The following DPP6 variants were observed in gnomAD, a reference collection of about 807,000 sequenced individuals.
DPP6 encodes A-type potassium channel modulatory protein DPP6.
Under a neutral mutation model 122.6 loss-of-function variants are expected in DPP6, and 69 were observed. The observed-to-expected ratio is 0.56, with a 90% CI of 0.46 to 0.69. The LOEUF is 0.69. DPP6 is among the 30% of genes least tolerant of loss of function. The pLI is 0.00. For missense variants in DPP6, 928 were observed against 1,116.9 expected, an observed-to-expected ratio of 0.83 and a Z score of 2.41; for synonymous variants, 418 against 433.1, an observed-to-expected ratio of 0.97 and a Z score of 0.43.
chr7:153,875,415 A>G, the DPP6 span, among the ~76,000 whole-genome samples: 1 of 152,298 alleles, frequency 6.6e-6, no homozygotes, highest in South Asian at 2.1e-4. Flanking sequence ...TAAGAAGAGA[A>G]GAATGGAAAA....
At chr7:154,286,142 A>G (rs1804833149) in intron 1 of DPP6, among the ~76,000 whole-genome samples, 3 of 152,178 alleles carry the variant, frequency 2.0e-5, no homozygotes, top group African/African-American at 7.2e-5. Context: ...AAACTGTGGA[A>G]CTGAGCAGCG....
At chr7:154,680,446 G>A (rs1465144287) in intron 7 of DPP6, among the ~76,000 whole-genome samples, 1 of 152,168 alleles carries the variant, frequency 6.6e-6, no homozygotes, top group Non-Finnish European at 1.5e-5. Flanking sequence ...AAATCATGGA[G>A]TATCCATAGG....
the DPP6 span, among the ~76,000 whole-genome samples, chr7:153,806,670 C>T: frequency 3.3e-5 from 5 of 151,996 alleles, no homozygotes; most frequent in African/African-American, 1.2e-4. Flanking sequence ...ATATAAACAT[C>T]AAAATGCCTC....
chr7:154,061,586 C>G (rs1481623914), intron 1 of DPP6, among the ~76,000 whole-genome samples: 4 of 145,966 alleles, frequency 2.7e-5, no homozygotes, highest in Non-Finnish European at 6.1e-5. Context: ...TCCATCCCCT[C>G]TTCCCCCCTG....
chr7:154,011,243 A>C (rs1798140731), intron 1 of DPP6, among the ~76,000 whole-genome samples: 1 of 152,194 alleles, frequency 6.6e-6, no homozygotes, highest in Admixed American at 6.5e-5. Context: ...GATGGAGAGT[A>C]ATGTTGGGAC....
At chr7:154,625,827 T>A (rs1327548207) in intron 5 of DPP6, among the ~76,000 whole-genome samples, 1 of 152,228 alleles carries the variant, frequency 6.6e-6, no homozygotes, top group Non-Finnish European at 1.5e-5. Context: ...CTTCCCACAA[T>A]TCATCCCATC....
intron 5 of DPP6, among the ~76,000 whole-genome samples, chr7:154,569,506 A>G (rs1403332986): frequency 6.6e-6 from 1 of 151,950 alleles, no homozygotes; most frequent in African/African-American, 2.4e-5. Flanking sequence ...ATTATAATGA[A>G]ACTAGAATTT....
At chr7:154,297,474 T>C (rs1021578413) in intron 1 of DPP6, among the ~76,000 whole-genome samples, 1 of 152,202 alleles carries the variant, frequency 6.6e-6, no homozygotes, top group African/African-American at 2.4e-5. Flanking sequence ...ATAAATATAG[T>C]AGGTCCAATA....
intron 1 of DPP6, 59 bp downstream of exon 1, chr7:154,053,122 A>C: frequency 1.0e-6 from 1 of 967,512 alleles, no homozygotes; most frequent in Non-Finnish European, 1.2e-6. Context: ...GCGCGCAGCG[A>C]GACGCGTCGG....
intron 1 of DPP6, among the ~76,000 whole-genome samples, chr7:153,952,134 T>C (rs997816630): frequency 2.0e-5 from 3 of 152,240 alleles, no homozygotes; most frequent in Non-Finnish European, 4.4e-5. Flanking sequence ...CCTCGTGGGT[T>C]GTGGTAGAAT....
At chr7:154,682,602 G>A (rs1563099353) in intron 7 of DPP6, among the ~76,000 whole-genome samples, 1 of 152,302 alleles carries the variant, frequency 6.6e-6, no homozygotes, top group East Asian at 1.9e-4. Flanking sequence ...TAAAACAAGA[G>A]GTTTCTAAGA....
chr7:153,834,709 C>T, the DPP6 span, among the ~76,000 whole-genome samples: 1 of 152,288 alleles, frequency 6.6e-6, no homozygotes, highest in African/African-American at 2.4e-5. Flanking sequence ...GGCCTATTAG[C>T]AAGCTGCATT....
At chr7:154,029,761 G>A (rs1415516718) in intron 1 of DPP6, among the ~76,000 whole-genome samples, 1 of 150,946 alleles carries the variant, frequency 6.6e-6, no homozygotes. Flanking sequence ...CAGGAGAATG[G>A]CGTGAACCCG....
chr7:154,161,982 CT>C (rs1797005149), intron 1 of DPP6, among the ~76,000 whole-genome samples: 1 of 77,016 alleles, frequency 1.3e-5, no homozygotes, highest in Non-Finnish European at 2.6e-5. Context: ...TGGTGTATCT[CT>C]AAACAATTAT....
intron 1 of DPP6, among the ~76,000 whole-genome samples, chr7:153,932,112 T>C (rs1801195918): frequency 7.0e-6 from 1 of 143,406 alleles, no homozygotes; most frequent in African/African-American, 2.6e-5. Context: ...CTTTGATTTA[T>C]CATTTTGTGC....
chr7:153,807,424 CAAACA>C, the DPP6 span, among the ~76,000 whole-genome samples: 31 of 145,252 alleles, frequency 2.1e-4, no homozygotes, highest in African/African-American at 8.2e-4. Flanking sequence ...AACAAACAAA[CAAACA>C]AAAAAAAAAA....
the DPP6 span, among the ~76,000 whole-genome samples, chr7:153,861,692 C>T: frequency 7.2e-5 from 11 of 152,220 alleles, 1 homozygote; most frequent in Admixed American, 7.2e-4. Context: ...AAATAACCAC[C>T]TAGTCAGGTA....
At chr7:154,103,490 C>A (rs1446097995) in intron 1 of DPP6, among the ~76,000 whole-genome samples, 1 of 152,172 alleles carries the variant, frequency 6.6e-6, no homozygotes, top group Non-Finnish European at 1.5e-5. Flanking sequence ...GCCAGCTCCC[C>A]CCTCTCCAAT....
At chr7:153,953,076 A>G (rs758235316) in intron 1 of DPP6, among the ~76,000 whole-genome samples, 16 of 152,224 alleles carry the variant, frequency 1.1e-4, no homozygotes, top group Admixed American at 1.0e-3. Flanking sequence ...AGCCTGCAGC[A>G]GTGAAATGAG....
Sources: gnomAD v4.1 joint callset for allele counts (sites outside exome capture counted in the v4.1 genomes callset) on GRCh38, gnomAD v4.1.1 for gene constraint, MANE v1.5 for transcripts, NCBI Gene and HGNC (gene_info 2026-07-23, HGNC 2026-07-21) for gene names.